Variants in ALK observed in about 807,000 individuals in gnomAD.
ALK encodes ALK tyrosine kinase receptor.
ALK carries 74 observed loss-of-function variants against 163.1 expected under a neutral mutation model. The observed-to-expected ratio is 0.45, with a 90% CI of 0.38 to 0.55. The LOEUF is 0.55. ALK is among the 20% of genes least tolerant of loss of function. The probability of loss-of-function intolerance (pLI) is 0.00; values close to 1 mark genes in which losing one functional copy is unlikely to be tolerated. For synonymous variants in ALK, 960 were observed against 843.2 expected, an observed-to-expected ratio of 1.14 and a Z score of -2.40; for missense variants, 2,063 against 2,105.3, an observed-to-expected ratio of 0.98 and a Z score of 0.39.
At chr2:29,439,593 ATG>A (rs915226600) in intron 4 of ALK, among the ~76,000 whole-genome samples, 1 of 152,024 alleles carries the variant, frequency 6.6e-6, no homozygotes, top group African/African-American at 2.4e-5. Context: ...GCACCTGTGA[ATG>A]TGACCACATA....
intron 5 of ALK, among the ~76,000 whole-genome samples, chr2:29,352,676 A>T (rs1055152460): frequency 1.3e-5 from 2 of 152,242 alleles, no homozygotes; most frequent in Non-Finnish European, 2.9e-5. Flanking sequence ...CTGCAGAGGA[A>T]TTGTCCCAAG....
chr2:29,798,514 C>A lies in ALK; in HGVS notation c.668-80817G>T, dbSNP rs140905659. ...GGACAGAAAATATGTAGAATTTGGTCTTTTCATCACAAAGTACAAAAACCC... is the reference window on the plus strand; with the variant it reads ...GGACAGAAAATATGTAGAATTTGGTATTTTCATCACAAAGTACAAAAACCC... On this transcript the variant is annotated intron_variant, in intron 1 of 28. Coordinates refer to ENST00000389048, the MANE Select transcript of ALK (RefSeq NM_004304.5). Among the ~76,000 whole-genome samples the A allele has an allele frequency of 6.9e-3, 1,050 of 152,352 alleles. 11 individuals carry two copies. The highest frequency in any genetic ancestry group is 0.046 in the South Asian group (224 of 4,834).
chr2:29,619,085 C>A (rs1440712412), intron 3 of ALK, among the ~76,000 whole-genome samples: 4 of 151,812 alleles, frequency 2.6e-5, no homozygotes, highest in African/African-American at 9.7e-5. Flanking sequence ...ACAAGAAACC[C>A]ATAATTTTGT....
intron 4 of ALK, among the ~76,000 whole-genome samples, chr2:29,407,843 C>T (rs1264585094): frequency 1.3e-5 from 2 of 152,182 alleles, no homozygotes; most frequent in African/African-American, 2.4e-5. Flanking sequence ...CATCGCATCA[C>T]CTGGTAGACT....
At chr2:29,243,214 C>T (rs1664569798) in intron 12 of ALK, among the ~76,000 whole-genome samples, 1 of 152,162 alleles carries the variant, frequency 6.6e-6, no homozygotes, top group Non-Finnish European at 1.5e-5. Context: ...CAGGGAGGAC[C>T]TTGCACTCGA....
chr2:29,314,254 C>T (rs1666768998), intron 8 of ALK, among the ~76,000 whole-genome samples: 1 of 152,154 alleles, frequency 6.6e-6, no homozygotes, highest in Admixed American at 6.5e-5. Context: ...ATGGCGTCTT[C>T]TCACATCCCT....
chr2:29,293,308 A>G (rs532034998), intron 9 of ALK, among the ~76,000 whole-genome samples: 1 of 152,340 alleles, frequency 6.6e-6, no homozygotes, highest in Admixed American at 6.5e-5. Flanking sequence ...CCCTCAATAC[A>G]TCATTCTGTC....
chr2:29,474,094 C>T (rs1161623172), intron 4 of ALK, among the ~76,000 whole-genome samples: 1 of 152,130 alleles, frequency 6.6e-6, no homozygotes, highest in East Asian at 1.9e-4. Context: ...TGTATATATG[C>T]TCCAAAAGAC....
chr2:29,920,649 A>T lies in ALK; in HGVS notation c.11T>A (p.Ile4Asn), dbSNP rs2148444177. 6.5e-7 allele frequency: 1 copy of T among 1,537,070 alleles called. No homozygotes were observed. The highest frequency in any genetic ancestry group is 1.4e-5 in the African/African-American group (1 of 73,236). ...CAGCGGCAGGAGCCACAGGAGCCCG[A>T]TGGCTCCCATCCCGCCGGAGGAGGC... is the stretch of plus-strand genomic sequence containing the variant. MGA[I>N]GLLWLLPLLL... The change falls in exon 1 of 29, where the codon ATC becomes AAC. Residue 4 changes from isoleucine to asparagine, a missense_variant. Ile to Asn is a moderately radical substitution (Grantham distance 149, BLOSUM62 -3). This residue lies in a region of ALK where 987 missense variants were observed against 939.5 expected (regional missense o/e 1.05). Transcript: ENST00000389048.
At chr2:29,575,393 C>T (rs1305231782) in intron 3 of ALK, among the ~76,000 whole-genome samples, 2 of 152,158 alleles carry the variant, frequency 1.3e-5, no homozygotes, top group Non-Finnish European at 2.9e-5. Context: ...TAAGTTGCAG[C>T]TGAGGCAGGA....
intron 5 of ALK, among the ~76,000 whole-genome samples, chr2:29,381,625 G>A (rs1460944392): frequency 1.3e-5 from 2 of 152,126 alleles, no homozygotes; most frequent in East Asian, 1.9e-4. Context: ...TATAGACCAG[G>A]CATCCTGCAG....
At chr2:29,203,823 T>C (rs1669247453) in intron 26 of ALK, among the ~76,000 whole-genome samples, 1 of 151,968 alleles carries the variant, frequency 6.6e-6, no homozygotes, top group Non-Finnish European at 1.5e-5. Flanking sequence ...TGGCACTTGG[T>C]GAATTCTTTC....
chr2:29,825,326 G>T (rs779435642), intron 1 of ALK, among the ~76,000 whole-genome samples: 21 of 152,188 alleles, frequency 1.4e-4, no homozygotes, highest in Admixed American at 5.2e-4. Context: ...AGTGCCTATT[G>T]TGTGGTCAGA....
chr2:29,216,933 G>GCATGTGTGT (rs1553393111), intron 23 of ALK, among the ~76,000 whole-genome samples: 1 of 140,918 alleles, frequency 7.1e-6, no homozygotes, highest in African/African-American at 2.7e-5. Flanking sequence ...GGTGTGTGGG[G>GCATGTGTGT]GGTGTGTGTG....
At chr2:29,344,616 A>G (rs35589603) in intron 5 of ALK, among the ~76,000 whole-genome samples, 32 of 152,256 alleles carry the variant, frequency 2.1e-4, no homozygotes, top group Non-Finnish European at 3.4e-4. Flanking sequence ...GCTGAATCCA[A>G]TGCATGACCT....
intron 1 of ALK, among the ~76,000 whole-genome samples, chr2:29,911,319 G>GAT (rs1402172100): frequency 6.6e-6 from 1 of 152,212 alleles, no homozygotes; most frequent in Non-Finnish European, 1.5e-5. Flanking sequence ...CATAGCTGCT[G>GAT]ATAGAAACCC....
intron 3 of ALK, among the ~76,000 whole-genome samples, chr2:29,658,904 G>A (rs1677268338): frequency 6.6e-6 from 1 of 152,038 alleles, no homozygotes; most frequent in South Asian, 2.1e-4. Flanking sequence ...CTACTGTTTG[G>A]GTGCTGTGAT....
intron 1 of ALK, among the ~76,000 whole-genome samples, chr2:29,788,363 T>C (rs1664097340): frequency 6.6e-6 from 1 of 152,156 alleles, no homozygotes; most frequent in African/African-American, 2.4e-5. Context: ...GGAACGAGTG[T>C]CTAGCTGCCA....
intron 3 of ALK, among the ~76,000 whole-genome samples, chr2:29,647,900 C>A (rs1676930524): frequency 6.7e-6 from 1 of 149,732 alleles, no homozygotes; most frequent in South Asian, 2.1e-4. Context: ...TTATTGTCAT[C>A]ACCATAAACT....
Sources: allele counts gnomAD v4.1 joint callset (sites outside exome capture counted in the v4.1 genomes callset), GRCh38; gene constraint gnomAD v4.1.1; regional missense constraint gnomAD v4.1.1; transcripts MANE v1.5; gene names NCBI Gene and HGNC (gene_info 2026-07-23, HGNC 2026-07-21).